The following MCPH1 variants were observed in gnomAD, a reference collection of about 807,000 sequenced individuals.
MCPH1 encodes the protein microcephalin 1, also known as microcephalin.
Under a neutral mutation model 84.5 loss-of-function variants are expected in MCPH1, and 104 were observed. The observed-to-expected ratio is 1.23, with a 90% CI of 1.05 to 1.45. MCPH1 has a LOEUF of 1.45. Among genes scored for constraint, MCPH1 ranks in the 40% most tolerant of loss-of-function variants. MCPH1 has a pLI of 0.00. For synonymous variants in MCPH1, 514 were observed against 366.8 expected, an observed-to-expected ratio of 1.40 and a Z score of -4.58; for missense variants, 1,498 against 1,005.7, an observed-to-expected ratio of 1.49 and a Z score of -6.62.
At chr8:6,444,329 G>A in intron 7 of MCPH1, 64 bp from the exon 8 acceptor site, 1 of 1,588,080 alleles carries the variant, frequency 6.3e-7, no homozygotes, top group Non-Finnish European at 8.6e-7. Flanking sequence ...TTGGTCAACT[G>A]AAAGTTGAAT....
intron 3 of MCPH1, among the ~76,000 whole-genome samples, chr8:6,426,178 G>GT (rs886800484): frequency 1.3e-5 from 2 of 151,942 alleles, no homozygotes; most frequent in African/African-American, 2.4e-5. Flanking sequence ...TAGTTGGTTT[G>GT]TTTTTTTAAA....
chr8:6,472,337 A>G lies in MCPH1; in HGVS notation c.1936-5257A>G, dbSNP rs182848288. Among the ~76,000 whole-genome samples, 266 of 152,368 alleles carry G rather than the reference A, an allele frequency of 1.7e-3. 1 individual carries two copies. Among genetic ancestry groups the G allele is most frequent in the African/African-American group, 6.2e-3 (256 of 41,596 alleles). ...CTTTTTTGATGTGACAATTTGTCCC[A>G]TATAACTTATCAATAGTAACACATC... On this transcript the variant is annotated intron_variant, in intron 9 of 13. Transcript: ENST00000344683.
Position 6,610,492 on chromosome 8 carries a change from G to A in MCPH1, c.2215-10962G>A, listed in dbSNP as rs143663143. Among the ~76,000 whole-genome samples the A allele has an allele frequency of 3.5e-3, 531 of 152,190 alleles. 4 individuals are homozygous for A. Among genetic ancestry groups the A allele is most frequent in the African/African-American group, 0.012 (509 of 41,514 alleles). ...CTGCTCTTTTCAGCCTTTCTAGTTC[G>A]ACTCTTAGCAAAAGCCATAATCTTC... On this transcript the variant is annotated intron_variant, in intron 12 of 13. Transcript: ENST00000344683.
intron 9 of MCPH1, among the ~76,000 whole-genome samples, chr8:6,471,754 A>T (rs973702568): frequency 3.3e-5 from 5 of 152,196 alleles, no homozygotes; most frequent in East Asian, 1.9e-4. Flanking sequence ...AGACAATGCC[A>T]TAAGAAGCCT....
At chr8:6,634,580 G>A (rs915533428) in intron 13 of MCPH1, among the ~76,000 whole-genome samples, 3 of 152,208 alleles carry the variant, frequency 2.0e-5, no homozygotes, top group Non-Finnish European at 2.9e-5. Flanking sequence ...TGTTTTCAAA[G>A]AGTAAATTTC....
chr8:6,492,227 G>A (rs192133021), intron 11 of MCPH1, among the ~76,000 whole-genome samples: 45 of 152,328 alleles, frequency 3.0e-4, no homozygotes, highest in African/African-American at 9.1e-4. Flanking sequence ...CTGATGGCCA[G>A]TGATGATGCG....
At chr8:6,511,185 A>C (rs973927604) in intron 12 of MCPH1, among the ~76,000 whole-genome samples, 1 of 152,154 alleles carries the variant, frequency 6.6e-6, no homozygotes, top group African/African-American at 2.4e-5. Flanking sequence ...GGTTTTGTGT[A>C]ATTTTAGGTC....
At position 6,532,575 on chromosome 8, in the gene MCPH1, A is replaced by T. The variant is rs1385251830; in HGVS notation, c.2214+32646A>T. ...TGTTTGTCGTCTCCTCCCTATCTTT[A>T]AAAAAAAAAAAAAAAAATCTATCAA... On this transcript the variant is annotated intron_variant, in intron 12 of 13. Coordinates refer to ENST00000344683, the MANE Select transcript of MCPH1 (RefSeq NM_024596.5). 1.5e-4 allele frequency: 25 copies of T among 166,726 alleles called. No homozygotes were observed. Among genetic ancestry groups the T allele is most frequent in the South Asian group, 4.0e-4 (2 of 4,952 alleles). 10.3% of individuals were successfully genotyped at this position (166,726 alleles called of 1,614,324 possible).
intron 12 of MCPH1, among the ~76,000 whole-genome samples, chr8:6,611,400 C>A (rs528972685): frequency 5.3e-5 from 8 of 152,294 alleles, no homozygotes; most frequent in East Asian, 1.9e-4. Context: ...TTGTAACTTG[C>A]TGCAGCAGCT....
intron 1 of MCPH1, 135 bp from the exon 2 acceptor site, chr8:6,409,144 C>A: frequency 1.3e-6 from 1 of 756,158 alleles, no homozygotes; most frequent in South Asian, 1.5e-5. Context: ...CTTCCGCCTC[C>A]CACAGTGCTG....
intron 12 of MCPH1, among the ~76,000 whole-genome samples, chr8:6,510,255 C>T (rs1040146282): frequency 6.6e-6 from 1 of 151,614 alleles, no homozygotes; most frequent in Non-Finnish European, 1.5e-5. Flanking sequence ...CAGGCATTCA[C>T]GTAATGGGGT....
intron 12 of MCPH1, among the ~76,000 whole-genome samples, chr8:6,505,916 A>T (rs1307872844): frequency 1.0e-5 from 1 of 95,292 alleles, no homozygotes; most frequent in Non-Finnish European, 2.0e-5. Context: ...TTCTTTATAT[A>T]TGTATATATA....
At chr8:6,612,272 C>T (rs1222275744) in intron 12 of MCPH1, among the ~76,000 whole-genome samples, 2 of 151,774 alleles carry the variant, frequency 1.3e-5, no homozygotes, top group African/African-American at 2.4e-5. Context: ...GACTAGCTGC[C>T]CCATCACATT....
At chr8:6,585,542 C>G (rs1827906713) in intron 12 of MCPH1, among the ~76,000 whole-genome samples, 1 of 152,236 alleles carries the variant, frequency 6.6e-6, no homozygotes, top group African/African-American at 2.4e-5. Flanking sequence ...CAGCCCTCCT[C>G]CCAAGGTTTA....
intron 13 of MCPH1, among the ~76,000 whole-genome samples, chr8:6,629,644 T>A (rs1242472454): frequency 2.6e-5 from 4 of 152,102 alleles, no homozygotes; most frequent in Non-Finnish European, 5.9e-5. Context: ...CCTCCAGAAC[T>A]GTGAAAAAAT....
At chr8:6,592,820 A>ATTTTT (rs67091563) in intron 12 of MCPH1, among the ~76,000 whole-genome samples, 1 of 134,308 alleles carries the variant, frequency 7.4e-6, no homozygotes. Context: ...ACACCTGGCA[A>ATTTTT]TTTTTTTTTT....
intron 12 of MCPH1, among the ~76,000 whole-genome samples, chr8:6,573,971 T>C (rs149430424): frequency 4.7e-4 from 71 of 152,356 alleles, no homozygotes; most frequent in African/African-American, 1.4e-3. Flanking sequence ...AAATCCTTTC[T>C]GGGAGAATGC....
chr8:6,428,597 A>G lies in MCPH1; in HGVS notation c.234-2902A>G, dbSNP rs552038296. Among the ~76,000 whole-genome samples the G allele has an allele frequency of 1.5e-3, 232 of 152,376 alleles. 1 individual carries two copies. The highest frequency in any genetic ancestry group is 4.0e-3 in the Admixed American group (61 of 15,308). On this transcript the variant is annotated intron_variant, in intron 3 of 13. Coordinates refer to ENST00000344683, the MANE Select transcript of MCPH1 (RefSeq NM_024596.5). ...GATTTTCCTTTTCTGGACATTTCCA[A>G]TAAGCGGAATCATATGATATACGGC...
At chr8:6,412,828 G>C (rs938264267) in intron 2 of MCPH1, among the ~76,000 whole-genome samples, 5 of 152,176 alleles carry the variant, frequency 3.3e-5, no homozygotes, top group Non-Finnish European at 5.9e-5. Context: ...AATTGAGAGA[G>C]AGAGAGAGTT....
Sources: allele counts gnomAD v4.1 joint callset (sites outside exome capture counted in the v4.1 genomes callset), GRCh38; gene constraint gnomAD v4.1.1; transcripts MANE v1.5; gene names NCBI Gene and HGNC (gene_info 2026-07-23, HGNC 2026-07-21).